Variants in ACCSL observed in about 807,000 individuals in gnomAD.
ACCSL encodes the protein probable inactive 1-aminocyclopropane-1-carboxylate synthase-like protein 2.
Under a neutral mutation model 61.7 loss-of-function variants are expected in ACCSL, and 55 were observed. The ratio of observed to expected loss-of-function variants is 0.89; its 90% CI spans 0.72 to 1.12. The LOEUF is 1.12. Ranked by LOEUF, ACCSL falls within the 50% of genes most tolerant of loss-of-function variation. The pLI is 0.00. For synonymous variants in ACCSL, 258 were observed against 264.3 expected (o/e 0.98, Z 0.23); for missense variants, 632 against 698.0 (o/e 0.91, Z 1.07).
At chr11:43,926,094 T>A in the ACCSL span, among the ~76,000 whole-genome samples, 2 of 152,248 alleles carry the variant, frequency 1.3e-5, no homozygotes, top group East Asian at 3.9e-4. Flanking sequence ...GGGCAGAGGC[T>A]TTCTGGAGAA....
the ACCSL span, among the ~76,000 whole-genome samples, chr11:43,979,281 G>A: frequency 6.6e-6 from 1 of 152,130 alleles, no homozygotes; most frequent in Non-Finnish European, 1.5e-5. Context: ...ACAGTGAGCT[G>A]TGATCACACC....
chr11:43,977,351 A>G, the ACCSL span, among the ~76,000 whole-genome samples: 2 of 152,232 alleles, frequency 1.3e-5, no homozygotes, highest in Non-Finnish European at 2.9e-5. Flanking sequence ...TGAGTGTCCA[A>G]TGTAGTCACA....
At chr11:44,025,027 G>T in the ACCSL span, among the ~76,000 whole-genome samples, 1 of 152,148 alleles carries the variant, frequency 6.6e-6, no homozygotes, top group East Asian at 1.9e-4. Context: ...AGGCACATTT[G>T]CATAGTAAAT....
the ACCSL span, among the ~76,000 whole-genome samples, chr11:43,977,352 T>G: frequency 6.6e-6 from 1 of 152,220 alleles, no homozygotes; most frequent in Non-Finnish European, 1.5e-5. Context: ...GAGTGTCCAA[T>G]GTAGTCACAA....
the ACCSL span, among the ~76,000 whole-genome samples, chr11:43,996,850 T>C: frequency 6.7e-6 from 1 of 149,214 alleles, no homozygotes; most frequent in African/African-American, 2.5e-5. Flanking sequence ...TCTCGCTCTG[T>C]CACCCAGGCT....
the ACCSL span, among the ~76,000 whole-genome samples, chr11:44,039,499 G>A: frequency 0.061 from 9,304 of 151,980 alleles, 503 homozygotes; most frequent in African/African-American, 0.14. Context: ...TTGGGGACTC[G>A]GGGGGAAAGG....
Position 44,048,333 on chromosome 11 carries a change from G to A in ACCSL, c.297G>A (p.Glu99=), listed in dbSNP as rs77451436. ...AGCTCCAAGTGCCTCTTCCTTCTGAGGACTCTAGGGGTGATGTCAGATATG... is the reference window on the plus strand; with the variant it reads ...AGCTCCAAGTGCCTCTTCCTTCTGAAGACTCTAGGGGTGATGTCAGATATG... ...GLELQVPLPS[E]DSRGDVRYGQ... The change falls in exon 1 of 14, where the codon GAG becomes GAA. Residue 99 remains glutamate, a synonymous_variant. Coordinates refer to ENST00000378832, the MANE Select transcript of ACCSL (RefSeq NM_001031854.2). The A allele has an allele frequency of 3.5e-3, 5,622 of 1,613,956 alleles. 166 individuals are homozygous for A. In the African/African-American group the frequency reaches 0.066, roughly 19 times the overall value.
chr11:44,051,437 G>C, intron 4 of ACCSL, 33 bp downstream of exon 4: 1 of 1,611,840 alleles, frequency 6.2e-7, no homozygotes, highest in Non-Finnish European at 8.5e-7. Context: ...CTGCCACCCT[G>C]GTGGAGGGCT....
At chr11:44,019,284 C>A in the ACCSL span, among the ~76,000 whole-genome samples, 83,093 of 152,066 alleles carry the variant, frequency 0.55, 23,028 homozygotes, top group Admixed American at 0.6. Flanking sequence ...AATTCTGTTG[C>A]GTATATACCT....
the ACCSL span, among the ~76,000 whole-genome samples, chr11:43,997,823 C>CGGT: frequency 6.6e-6 from 1 of 152,204 alleles, no homozygotes; most frequent in South Asian, 2.1e-4. Flanking sequence ...TTCAGCAGTG[C>CGGT]TAGCAGCAGC....
chr11:44,027,223 G>A, the ACCSL span, among the ~76,000 whole-genome samples: 3 of 152,294 alleles, frequency 2.0e-5, no homozygotes, highest in Admixed American at 2.0e-4. Flanking sequence ...CTACAACTCT[G>A]CCTTAGCCTT....
the ACCSL span, chr11:43,933,080 G>A: frequency 9.6e-5 from 44 of 456,076 alleles, no homozygotes; most frequent in Admixed American, 1.0e-3. Context: ...CCTCTTCTCT[G>A]TTTTTCCAGT....
the ACCSL span, among the ~76,000 whole-genome samples, chr11:43,953,218 T>A: frequency 1.3e-5 from 2 of 152,022 alleles, no homozygotes; most frequent in African/African-American, 4.8e-5. Flanking sequence ...ACCTTGCTGA[T>A]AAAAGGATGA....
the ACCSL span, among the ~76,000 whole-genome samples, chr11:43,926,974 T>C: frequency 1.7e-3 from 256 of 152,358 alleles, no homozygotes; most frequent in African/African-American, 5.8e-3. Flanking sequence ...CTGGAACTCC[T>C]GGGCTCAAGC....
At chr11:43,964,193 C>T in the ACCSL span, among the ~76,000 whole-genome samples, 2 of 151,970 alleles carry the variant, frequency 1.3e-5, no homozygotes, top group African/African-American at 4.8e-5. Context: ...GCCTGTAATC[C>T]CAGCACTTTG....
At chr11:44,002,360 C>T in the ACCSL span, among the ~76,000 whole-genome samples, 1 of 152,178 alleles carries the variant, frequency 6.6e-6, no homozygotes, top group African/African-American at 2.4e-5. Context: ...GAATCTGGAC[C>T]CCCAGGAATG....
the ACCSL span, among the ~76,000 whole-genome samples, chr11:43,939,127 C>T: frequency 9.9e-5 from 15 of 152,250 alleles, no homozygotes; most frequent in African/African-American, 3.4e-4. Context: ...AAGCAGCCAA[C>T]ACATGCAAAT....
chr11:43,952,227 C>T, the ACCSL span, among the ~76,000 whole-genome samples: 9 of 152,190 alleles, frequency 5.9e-5, no homozygotes, highest in African/African-American at 1.7e-4. Context: ...CTCCTCCCAC[C>T]CTCCACCTTC....
chr11:44,035,199 A>G, the ACCSL span, among the ~76,000 whole-genome samples: 1 of 151,802 alleles, frequency 6.6e-6, no homozygotes, highest in South Asian at 2.1e-4. Context: ...TTACCCAATT[A>G]CATTATACTT....
Sources: gnomAD v4.1 joint callset for allele counts (sites outside exome capture counted in the v4.1 genomes callset) on GRCh38, gnomAD v4.1.1 for gene constraint, MANE v1.5 for transcripts, NCBI Gene and HGNC (gene_info 2026-07-23, HGNC 2026-07-21) for gene names.